The following SGMS1 variants were observed in gnomAD, a reference collection of about 807,000 sequenced individuals.
SGMS1 encodes the protein sphingomyelin synthase 1.
In SGMS1, 13 loss-of-function variants were observed where a neutral mutation model predicts 46.2. The ratio of observed to expected loss-of-function variants is 0.28; its 90% confidence interval spans 0.18 to 0.45. The LOEUF (loss-of-function observed/expected upper bound fraction) is 0.45. Among genes scored for constraint, SGMS1 ranks in the 20% least tolerant of loss-of-function variants. The pLI, the probability that SGMS1 is intolerant of heterozygous loss-of-function variation, is 1.00. For synonymous variants in SGMS1, 203 were observed against 187.8 expected (o/e 1.08, Z -0.66); for missense variants, 324 against 519.9 (o/e 0.62, Z 3.66).
intron 8 of SGMS1, among the ~76,000 whole-genome samples, chr10:50,313,270 GC>G (rs1847287327): frequency 6.6e-6 from 1 of 152,174 alleles, no homozygotes; most frequent in Admixed American, 6.5e-5. Context: ...GGACACTAAA[GC>G]TTTGCCTTCT....
chr10:50,610,397 T>C (rs1838738696), intron 1 of SGMS1, among the ~76,000 whole-genome samples: 1 of 152,124 alleles, frequency 6.6e-6, no homozygotes, highest in Non-Finnish European at 1.5e-5. Context: ...TCCCCCAAAA[T>C]ACACTTAAAT....
chr10:50,397,257 GGAC>G, intron 6 of SGMS1, among the ~76,000 whole-genome samples: 1 of 152,154 alleles, frequency 6.6e-6, no homozygotes, highest in South Asian at 2.1e-4. Flanking sequence ...GCACTCTGCA[GGAC>G]CAGGTAGGAT....
intron 3 of SGMS1, among the ~76,000 whole-genome samples, chr10:50,495,765 A>AC (rs1837609854): frequency 1.1e-5 from 1 of 94,506 alleles, no homozygotes; most frequent in East Asian, 2.7e-4. Context: ...ACCAAGAATT[A>AC]TAAAAAAAAA....
chr10:50,378,461 A>G lies in SGMS1; in HGVS notation c.-231-34116T>C, dbSNP rs1035984750. On this transcript the variant is annotated intron_variant, in intron 6 of 10. Transcript: ENST00000361781. ...AAATGTAGATTCTTCAGCAGATCAT[A>G]AACAGAGACTGAGACAAATGAGTCC... Among the ~76,000 whole-genome samples, 47 of 152,246 alleles carry G rather than the reference A, an allele frequency of 3.1e-4. 1 individual carries two copies. Among genetic ancestry groups the G allele is most frequent in the Admixed American group, 2.6e-3 (40 of 15,284 alleles).
intron 3 of SGMS1, among the ~76,000 whole-genome samples, chr10:50,502,792 T>C (rs1293776224): frequency 2.6e-5 from 4 of 152,202 alleles, no homozygotes; most frequent in African/African-American, 7.2e-5. Context: ...ACTTTATAAA[T>C]GTACATCAAC....
intron 3 of SGMS1, among the ~76,000 whole-genome samples, chr10:50,505,452 T>C (rs764060715): frequency 2.0e-5 from 3 of 152,164 alleles, no homozygotes; most frequent in Non-Finnish European, 4.4e-5. Context: ...TCTTTTCCAT[T>C]CTTCCTGCCT....
chr10:50,374,936 T>G (rs1296455141), intron 6 of SGMS1, among the ~76,000 whole-genome samples: 1 of 152,158 alleles, frequency 6.6e-6, no homozygotes, highest in Non-Finnish European at 1.5e-5. Context: ...TACTCTGTAT[T>G]TTACTTGTTT....
intron 3 of SGMS1, among the ~76,000 whole-genome samples, chr10:50,482,712 T>C (rs1052661138): frequency 5.9e-5 from 9 of 152,186 alleles, no homozygotes; most frequent in African/African-American, 2.2e-4. Context: ...ATAACACTAC[T>C]ATCCTTAAAT....
intron 8 of SGMS1, among the ~76,000 whole-genome samples, chr10:50,315,049 AG>A (rs1395875434): frequency 6.6e-6 from 1 of 152,232 alleles, no homozygotes; most frequent in East Asian, 1.9e-4. Flanking sequence ...TCAGGTCCCA[AG>A]GTAGACCAGT....
intron 4 of SGMS1, among the ~76,000 whole-genome samples, chr10:50,462,737 A>C (rs1201064459): frequency 6.6e-6 from 1 of 152,222 alleles, no homozygotes; most frequent in East Asian, 1.9e-4. Flanking sequence ...TAAAAACGAA[A>C]AAAGATATAA....
intron 8 of SGMS1, among the ~76,000 whole-genome samples, chr10:50,326,484 C>A (rs1203791335): frequency 6.6e-6 from 1 of 152,060 alleles, no homozygotes; most frequent in Non-Finnish European, 1.5e-5. Context: ...TTTCTCCCAC[C>A]AAAAATCAAG....
intron 3 of SGMS1, among the ~76,000 whole-genome samples, chr10:50,480,877 C>T (rs1403367197): frequency 6.6e-6 from 1 of 152,126 alleles, no homozygotes; most frequent in Non-Finnish European, 1.5e-5. Context: ...CCCACAGCAC[C>T]GCACAGTGGC....
At chr10:50,312,338 A>AAG (rs1491179069) in intron 8 of SGMS1, among the ~76,000 whole-genome samples, 1 of 20,854 alleles carries the variant, frequency 4.8e-5, no homozygotes, top group Non-Finnish European at 7.1e-5. Flanking sequence ...GTGAGAAATT[A>AAG]AAAAAAAAAA....
chr10:50,546,990 C>A (rs1201188168), intron 2 of SGMS1, among the ~76,000 whole-genome samples: 1 of 152,124 alleles, frequency 6.6e-6, no homozygotes, highest in Non-Finnish European at 1.5e-5. Flanking sequence ...TAATCAAATG[C>A]TGTTTCCATC....
intron 6 of SGMS1, among the ~76,000 whole-genome samples, chr10:50,387,066 A>G (rs1329771412): frequency 1.3e-5 from 2 of 152,130 alleles, no homozygotes; most frequent in Non-Finnish European, 2.9e-5. Context: ...AGTCCCAACA[A>G]TAGGCTCCAA....
intron 6 of SGMS1, among the ~76,000 whole-genome samples, chr10:50,392,357 G>A (rs1292974794): frequency 5.3e-5 from 8 of 152,108 alleles, no homozygotes; most frequent in Non-Finnish European, 1.0e-4. Context: ...TCAAAGCCAT[G>A]GTTTCTTTAT....
chr10:50,494,162 T>C (rs182894599), intron 3 of SGMS1, among the ~76,000 whole-genome samples: 2 of 152,294 alleles, frequency 1.3e-5, no homozygotes, highest in East Asian at 3.9e-4. Context: ...GAAAAAAGAA[T>C]GTTATACACT....
chr10:50,514,083 C>T (rs987819032), intron 3 of SGMS1, among the ~76,000 whole-genome samples: 3 of 152,136 alleles, frequency 2.0e-5, no homozygotes, highest in Admixed American at 1.3e-4. Context: ...AAAGATATTT[C>T]ATATAATTTA....
intron 5 of SGMS1, among the ~76,000 whole-genome samples, chr10:50,435,217 G>T (rs1588822463): frequency 1.3e-5 from 2 of 152,244 alleles, no homozygotes; most frequent in Admixed American, 1.3e-4. Flanking sequence ...TCCTTCTAAG[G>T]CTCAGTTTCC....
Sources: allele counts gnomAD v4.1 joint callset (sites outside exome capture counted in the v4.1 genomes callset), GRCh38; gene constraint gnomAD v4.1.1; transcripts MANE v1.5; gene names NCBI Gene and HGNC (gene_info 2026-07-23, HGNC 2026-07-21).